The following SWT1 variants were observed in gnomAD, a reference collection of about 807,000 sequenced individuals.
SWT1 encodes the protein transcriptional protein SWT1.
A neutral mutation model predicts 107.3 loss-of-function variants in SWT1; 33 were observed. The ratio of observed to expected loss-of-function variants is 0.31; its 90% CI spans 0.23 to 0.41. The LOEUF is 0.41. Ranked by LOEUF, SWT1 falls within the 10% of genes least tolerant of loss-of-function variation. The pLI, the probability that SWT1 is intolerant of heterozygous loss-of-function variation, is 1.00. For synonymous variants in SWT1, 345 were observed against 348.3 expected, an observed-to-expected ratio of 0.99 and a Z score of 0.11; for missense variants, 898 against 1,028.9, an observed-to-expected ratio of 0.87 and a Z score of 1.74.
chr1:185,191,589 A>G (rs879698211), intron 10 of SWT1, among the ~76,000 whole-genome samples: 2 of 152,174 alleles, frequency 1.3e-5, no homozygotes, highest in Non-Finnish European at 2.9e-5. Context: ...TTCAAAGATA[A>G]TGTGATTCCT....
chr1:185,202,798 A>G lies in SWT1; in HGVS notation c.1668A>G (p.Ala556=), dbSNP rs1332322427. ...QPCIPKQQLK[A]ETTPLKESYK... is the part of the protein sequence containing the mutation. ...GTATTCCTAAGCAACAGTTGAAAGC[A>G]GGTAGTATTTTTACTATAAATAATT... is the stretch of plus-strand genomic sequence containing the variant. Residue 556 remains alanine (A), a splice_region_variant and synonymous_variant, in exon 11 of 19, where the codon GCA becomes GCG. Coordinates refer to ENST00000367500, the MANE Select transcript of SWT1 (RefSeq NM_017673.7). 5 of 1,499,598 alleles carry G rather than the reference A, an allele frequency of 3.3e-6. No homozygotes were observed. The highest frequency in any genetic ancestry group is 4.5e-6 in the Non-Finnish European group (5 of 1,115,352). The allele number at this position is 1,499,598 out of a possible 1,614,324, so 92.9% of individuals were successfully genotyped here. A position where few individuals can be genotyped will look rare whatever the true frequency, so the allele number is the denominator to read the frequency against.
In SWT1 at chr1:185,160,860, T is replaced by C. The variant is rs1654084860; in HGVS notation, c.19T>C (p.Cys7Arg). 1 of 1,612,872 alleles carries C rather than the reference T, an allele frequency of 6.2e-7. No homozygotes were observed. Among genetic ancestry groups the C allele is most frequent in the East Asian group, 2.2e-5 (1 of 44,826 alleles). ...TTTCAGGATGTCCAGCAAAGAATCCTGTGGGAAAAAAGAGACATCTCAGAG... is the reference window on the plus strand; with the variant it reads ...TTTCAGGATGTCCAGCAAAGAATCCCGTGGGAAAAAAGAGACATCTCAGAG... MSSKES[C>R]GKKETSQRKD... The change falls in exon 2 of 19, where the codon TGT becomes CGT. Residue 7 changes from cysteine to arginine, a missense_variant. Transcript: ENST00000367500.
chr1:185,266,223 C>T (rs1183797025), intron 16 of SWT1, among the ~76,000 whole-genome samples: 2 of 143,348 alleles, frequency 1.4e-5, no homozygotes, highest in East Asian at 2.0e-4. Flanking sequence ...GCCACCACGC[C>T]CAGCTAATTT....
chr1:185,181,905 A>G (rs772050095), intron 6 of SWT1, 41 bp from the exon 7 acceptor site: 12 of 1,609,772 alleles, frequency 7.5e-6, no homozygotes, highest in Non-Finnish European at 1.0e-5. Context: ...TCAGTCTGCA[A>G]AGTAACTCAA....
chr1:185,248,456 A>AGG (rs1661765507), intron 16 of SWT1, among the ~76,000 whole-genome samples: 3 of 152,218 alleles, frequency 2.0e-5, no homozygotes, highest in African/African-American at 7.2e-5. Flanking sequence ...ATAGAAGTCC[A>AGG]TGTTCAGAAA....
At chr1:185,254,488 T>G (rs1254013864) in intron 16 of SWT1, among the ~76,000 whole-genome samples, 1 of 142,918 alleles carries the variant, frequency 7.0e-6, no homozygotes, top group Non-Finnish European at 1.5e-5. Flanking sequence ...AGATTCAACT[T>G]CTTCCTGGTT....
At chr1:185,251,961 C>T (rs1662067967) in intron 16 of SWT1, among the ~76,000 whole-genome samples, 1 of 150,988 alleles carries the variant, frequency 6.6e-6, no homozygotes, top group Admixed American at 6.6e-5. Flanking sequence ...CACCCCACAA[C>T]AGTCCCCAGA....
chr1:185,164,815 G>C (rs1286631940), intron 2 of SWT1, among the ~76,000 whole-genome samples: 1 of 152,148 alleles, frequency 6.6e-6, no homozygotes, highest in East Asian at 1.9e-4. Context: ...ATCAGTAATA[G>C]GGCTGTTTTG....
intron 9 of SWT1, among the ~76,000 whole-genome samples, chr1:185,188,958 C>T (rs1030079001): frequency 6.6e-6 from 1 of 152,036 alleles, no homozygotes; most frequent in Admixed American, 6.6e-5. Flanking sequence ...AATTTCTACA[C>T]ATTGCATTAT....
chr1:185,213,145 A>G (rs922726326), intron 13 of SWT1, among the ~76,000 whole-genome samples: 1 of 152,148 alleles, frequency 6.6e-6, no homozygotes, highest in African/African-American at 2.4e-5. Flanking sequence ...GAACTTTTGT[A>G]AGACAGAAAT....
intron 12 of SWT1, among the ~76,000 whole-genome samples, chr1:185,205,789 T>G (rs185222930): frequency 3.3e-5 from 5 of 152,292 alleles, no homozygotes; most frequent in Admixed American, 3.3e-4. Context: ...ACCAAAATGA[T>G]GACGAATCAT....
intron 16 of SWT1, among the ~76,000 whole-genome samples, chr1:185,244,267 ATGTTCT>A: frequency 6.6e-6 from 1 of 152,206 alleles, no homozygotes; most frequent in Non-Finnish European, 1.5e-5. Flanking sequence ...ATGGGGATAC[ATGTTCT>A]TGTGTGAGCA....
At chr1:185,245,136 A>T (rs1661516575) in intron 16 of SWT1, among the ~76,000 whole-genome samples, 1 of 152,180 alleles carries the variant, frequency 6.6e-6, no homozygotes, top group South Asian at 2.1e-4. Context: ...CCCCTTTCAG[A>T]TCTATGCTTT....
At chr1:185,244,491 A>T (rs528851167) in intron 16 of SWT1, among the ~76,000 whole-genome samples, 64 of 152,018 alleles carry the variant, frequency 4.2e-4, no homozygotes, top group African/African-American at 1.4e-3. Flanking sequence ...TATAAAAGAT[A>T]AAAAAAAGGT....
At chr1:185,258,868 C>T (rs1662820934) in intron 16 of SWT1, among the ~76,000 whole-genome samples, 1 of 152,100 alleles carries the variant, frequency 6.6e-6, no homozygotes, top group African/African-American at 2.4e-5. Context: ...TGGAAATTCT[C>T]ACTCCTCACC....
At position 185,198,010 on chromosome 1, in the gene SWT1, C is replaced by T. The variant is rs139822928; in HGVS notation, c.1524-4644C>T. ...GAATTTGTTTGCTCTTGTTTCTCTA[C>T]GTCTTTTAATTGTGATGTTAGGGTG... On this transcript the variant is annotated intron_variant, in intron 10 of 18. Coordinates refer to ENST00000367500, the MANE Select transcript of SWT1 (RefSeq NM_017673.7). 6.2e-3 allele frequency among the ~76,000 whole-genome samples: 949 copies of T among 152,112 alleles called. 10 individuals carry two copies. The highest frequency in any genetic ancestry group is 0.021 in the African/African-American group (888 of 41,516).
chr1:185,165,507 T>C (rs565359041), intron 2 of SWT1, among the ~76,000 whole-genome samples: 4 of 152,258 alleles, frequency 2.6e-5, no homozygotes, highest in South Asian at 2.1e-4. Context: ...CTTGTTTTCC[T>C]AAATTATTGT....
Position 185,214,515 on chromosome 1 carries a change from G to T in SWT1, c.1981G>T (p.Ala661Ser). The change falls in exon 14 of 19, where the codon GCA becomes TCA. Residue 661 changes from alanine (A) to serine (S), a missense_variant. By Grantham distance (99) the Ala-to-Ser change is moderately conservative. Transcript: ENST00000367500. ...TAATTTTCTGTTACCAGCTAATAAG[G>T]CAGTGGATTTTACAACAGTCAAATT... ...LYKNLRKANK[A>S]VDFTTVKFLL... 1 of 1,606,838 alleles carries T rather than the reference G, an allele frequency of 6.2e-7. No individual in the cohort carries two copies. The highest frequency in any genetic ancestry group is 8.5e-7 in the Non-Finnish European group (1 of 1,176,668).
intron 14 of SWT1, among the ~76,000 whole-genome samples, chr1:185,217,098 C>T (rs1254265306): frequency 6.6e-6 from 1 of 152,188 alleles, no homozygotes; most frequent in Non-Finnish European, 1.5e-5. Context: ...AGTGCTTTCC[C>T]CTCAACACTT....
Sources: gnomAD v4.1 joint callset for allele counts (sites outside exome capture counted in the v4.1 genomes callset) on GRCh38, gnomAD v4.1.1 for gene constraint, MANE v1.5 for transcripts, NCBI Gene and HGNC (gene_info 2026-07-23, HGNC 2026-07-21) for gene names.